The following MAPT variants were observed in gnomAD, a reference collection of about 807,000 sequenced individuals.
The protein encoded by MAPT is microtubule-associated protein tau.
A neutral mutation model predicts 67.9 loss-of-function variants in MAPT; 34 were observed. The observed-to-expected ratio is 0.50, with a 90% CI of 0.38 to 0.67. MAPT has a LOEUF of 0.67. MAPT is among the 30% of genes least tolerant of loss of function. MAPT has a pLI of 0.00. For missense variants in MAPT, 881 were observed against 1,115.2 expected, an observed-to-expected ratio of 0.79 and a Z score of 2.99; for synonymous variants, 456 against 464.5, an observed-to-expected ratio of 0.98 and a Z score of 0.23.
intron 11 of MAPT, among the ~76,000 whole-genome samples, chr17:46,014,838 G>A (rs919565431): frequency 6.7e-6 from 1 of 149,764 alleles, no homozygotes; most frequent in Non-Finnish European, 1.5e-5. Context: ...AGCAGAGATC[G>A]CGCCACTGCA....
rs1568353157 is a variant in MAPT at position 46,026,073 on chromosome 17, CTA to C, written c.*1904_*1905del. The C allele has an allele frequency of 7.7e-6, 1 of 130,522 alleles. No individual in the cohort carries two copies. Among genetic ancestry groups the C allele is most frequent in the Non-Finnish European group, 1.6e-5 (1 of 61,320 alleles). 8.1% of individuals were successfully genotyped at this position (130,522 alleles called of 1,614,324 possible). A position where few individuals can be genotyped will look rare whatever the true frequency, so the allele number is the denominator to read the frequency against. On this transcript the variant is annotated 3_prime_UTR_variant, in exon 13 of 13. Coordinates refer to ENST00000262410, the MANE Select transcript of MAPT (RefSeq NM_001377265.1). ...TTTATGCTTGGATTCACCAGAGTGA[CTA>C]TGATAGTGAAAAGAAAAAAAAAAAA... is the stretch of plus-strand genomic sequence containing the variant.
At chr17:45,972,381 G>T (rs552718190) in intron 3 of MAPT, among the ~76,000 whole-genome samples, 1 of 152,190 alleles carries the variant, frequency 6.6e-6, no homozygotes, top group African/African-American at 2.4e-5. Flanking sequence ...TGGGCCTCTG[G>T]ACTTTGGCCA....
chr17:45,914,317 A>G (rs2065021839), intron 1 of MAPT, among the ~76,000 whole-genome samples: 1 of 142,396 alleles, frequency 7.0e-6, no homozygotes, highest in Non-Finnish European at 1.6e-5. Context: ...CTCAGCTTCC[A>G]AGAATTAACC....
At chr17:45,969,811 A>G (rs1282117977) in intron 2 of MAPT, among the ~76,000 whole-genome samples, 1 of 151,656 alleles carries the variant, frequency 6.6e-6, no homozygotes, top group Non-Finnish European at 1.5e-5. Context: ...TTCATCCATC[A>G]TACATACATC....
At chr17:45,941,645 TCCCC>T (rs1347297034) in intron 1 of MAPT, among the ~76,000 whole-genome samples, 1 of 99,774 alleles carries the variant, frequency 1.0e-5, no homozygotes, top group African/African-American at 4.3e-5. Context: ...TTTCCCTCCT[TCCCC>T]CCTTCCACCC....
chr17:45,904,222 A>ATATATATTATATATTATAATATATAT (rs1276649889), intron 1 of MAPT, among the ~76,000 whole-genome samples: 8 of 45,288 alleles, frequency 1.8e-4, no homozygotes, highest in Admixed American at 4.4e-4. Flanking sequence ...TATATATATT[A>ATATATATTATATATTATAATATATAT]TATATATTAT....
At chr17:45,942,209 T>A (rs1179727821) in intron 1 of MAPT, among the ~76,000 whole-genome samples, 1 of 152,254 alleles carries the variant, frequency 6.6e-6, no homozygotes, top group African/African-American at 2.4e-5. Context: ...TGACTACACA[T>A]ATATGTATTC....
chr17:45,992,845 C>T (rs1257086107), intron 8 of MAPT, among the ~76,000 whole-genome samples: 2 of 149,566 alleles, frequency 1.3e-5, no homozygotes, highest in African/African-American at 2.5e-5. Context: ...GAGCTGAGAT[C>T]GCACCATTGC....
At chr17:45,978,237 T>G (rs755466164) in intron 3 of MAPT, 138 bp from the exon 4 acceptor site, 1 of 764,722 alleles carries the variant, frequency 1.3e-6, no homozygotes, top group South Asian at 1.4e-5. Context: ...AAGCCAGAGC[T>G]GAGGCACCTT....
chr17:45,908,415 G>A (rs927116895), intron 1 of MAPT: 16 of 152,170 alleles, frequency 1.1e-4, no homozygotes, highest in Non-Finnish European at 1.6e-4. Flanking sequence ...AAAGTGGGGC[G>A]GTTTCCCTGA....
intron 1 of MAPT, among the ~76,000 whole-genome samples, chr17:45,959,708 G>A (rs771668127): frequency 7.3e-5 from 11 of 151,588 alleles, no homozygotes; most frequent in Admixed American, 1.3e-4. Context: ...TTGAAGCAAG[G>A]AGGCGGAGGT....
At chr17:45,931,569 A>G (rs1173894570) in intron 1 of MAPT, among the ~76,000 whole-genome samples, 1 of 152,236 alleles carries the variant, frequency 6.6e-6, no homozygotes, top group Non-Finnish European at 1.5e-5. Flanking sequence ...GAAGTTGCCC[A>G]TAATTTAGCA....
chr17:45,936,726 A>G (rs2067365553), intron 1 of MAPT, among the ~76,000 whole-genome samples: 1 of 152,224 alleles, frequency 6.6e-6, no homozygotes. Flanking sequence ...ATTGCTCTTA[A>G]TTAACTGGAT....
At chr17:45,990,615 A>C in intron 7 of MAPT, 2 of 339,132 alleles carry the variant, frequency 5.9e-6, no homozygotes, top group Non-Finnish European at 5.9e-6. Context: ...TTTAAAAAAC[A>C]AACCCAAAAT....
At chr17:45,901,128 A>G (rs2063582551) in intron 1 of MAPT, among the ~76,000 whole-genome samples, 1 of 152,198 alleles carries the variant, frequency 6.6e-6, no homozygotes, top group Non-Finnish European at 1.5e-5. Flanking sequence ...GCACACACCC[A>G]TGTTTAAATG....
At position 45,982,987 on chromosome 17, in the gene MAPT, C is replaced by T. The variant is rs1024887626; in HGVS notation, c.408C>T (p.Leu136=). Residue 136 remains leucine, a synonymous_variant, in exon 5 of 13, where the codon CTC becomes CTT. Transcript: ENST00000262410. Reference sequence around the variant, plus strand: ...CCTCTGGGGTCTCTGGGCCGTGCCTCGGGGAGAAAGAGCCAGAAGCTCCCG... The same window carrying T: ...CCTCTGGGGTCTCTGGGCCGTGCCTTGGGGAGAAAGAGCCAGAAGCTCCCG... ...GEASGVSGPC[L]GEKEPEAPVP... is the part of the protein sequence containing the mutation. 6.9e-6 allele frequency: 10 copies of T among 1,441,432 alleles called. No individual in the cohort carries two copies. Among genetic ancestry groups the T allele is most frequent in the East Asian group, 2.5e-5 (1 of 39,966 alleles). 89.3% of individuals were successfully genotyped at this position (1,441,432 alleles called of 1,614,324 possible). A position where few individuals can be genotyped will look rare whatever the true frequency, so the allele number is the denominator to read the frequency against.
At chr17:45,913,841 C>T (rs1339351369) in intron 1 of MAPT, among the ~76,000 whole-genome samples, 4 of 152,128 alleles carry the variant, frequency 2.6e-5, no homozygotes, top group African/African-American at 9.7e-5. Context: ...CTGCCCTGGC[C>T]GGGGGGTTCT....
intron 1 of MAPT, among the ~76,000 whole-genome samples, chr17:45,937,640 G>GAAAA (rs372335391): frequency 6.7e-5 from 9 of 134,962 alleles, no homozygotes; most frequent in Non-Finnish European, 1.3e-4. Flanking sequence ...GAAAAGAAAA[G>GAAAA]AAAAAAAAAA....
chr17:45,940,174 G>A (rs766632103), intron 1 of MAPT, among the ~76,000 whole-genome samples: 1 of 152,196 alleles, frequency 6.6e-6, no homozygotes, highest in Non-Finnish European at 1.5e-5. Context: ...CATTTGACCT[G>A]CAATATCAAA....
Sources: allele counts gnomAD v4.1 joint callset (sites outside exome capture counted in the v4.1 genomes callset), GRCh38; gene constraint gnomAD v4.1.1; transcripts MANE v1.5; gene names NCBI Gene and HGNC (gene_info 2026-07-23, HGNC 2026-07-21).